The following GOLPH3L variants were observed in gnomAD, a reference collection of about 807,000 sequenced individuals.
GOLPH3L encodes golgi phosphoprotein 3 like, also known as Golgi phosphoprotein 3-like.
Under a neutral mutation model 30.3 loss-of-function variants are expected in GOLPH3L, and 22 were observed. That is an observed-to-expected ratio of 0.73 (90% CI 0.52 to 1.04). The LOEUF (loss-of-function observed/expected upper bound fraction) is 1.04. GOLPH3L is among the 50% of genes least tolerant of loss of function. The probability of loss-of-function intolerance (pLI) is 0.00; values close to 1 mark genes in which losing one functional copy is unlikely to be tolerated. For missense variants in GOLPH3L, 303 were observed against 345.8 expected (o/e 0.88, Z 0.98); for synonymous variants, 120 against 128.2 (o/e 0.94, Z 0.43).
chr1:150,670,081 T>G (rs1650606612), intron 2 of GOLPH3L, among the ~76,000 whole-genome samples: 1 of 151,614 alleles, frequency 6.6e-6, no homozygotes, highest in African/African-American at 2.4e-5. Flanking sequence ...GCCAACATGG[T>G]GAAACCCCGT....
chr1:150,649,925 T>C (rs1650067860), intron 4 of GOLPH3L, among the ~76,000 whole-genome samples: 1 of 151,930 alleles, frequency 6.6e-6, no homozygotes, highest in Non-Finnish European at 1.5e-5. Context: ...AGGCGGAGGT[T>C]TCAGTCAGCT....
intron 2 of GOLPH3L, among the ~76,000 whole-genome samples, chr1:150,664,741 C>T (rs1208429929): frequency 6.6e-6 from 1 of 152,088 alleles, no homozygotes; most frequent in Non-Finnish European, 1.5e-5. Flanking sequence ...AGTGAGCCAC[C>T]GTGCCCAGCC....
At position 150,694,751 on chromosome 1, in the gene GOLPH3L, C is replaced by T. The variant is rs1283176353; in HGVS notation, c.88G>A (p.Glu30Lys). The change falls in exon 2 of 5, where the codon GAG becomes AAG. Residue 30 changes from glutamate to lysine, a missense_variant. Coordinates refer to ENST00000271732, the MANE Select transcript of GOLPH3L (RefSeq NM_018178.6). ...KMESEEDSNWEKSPDNEDSGD... is the reference protein window; with the variant it reads ...KMESEEDSNWKKSPDNEDSGD... ...GAATCTTCATTGTCTGGACTTTTCT[C>T]CCAATTACTGTCTTCCTCACTTTCC... The T allele has an allele frequency of 6.2e-7, 1 of 1,610,700 alleles. No individual in the cohort carries two copies. The highest frequency in any genetic ancestry group is 1.3e-5 in the African/African-American group (1 of 74,812).
At chr1:150,694,589 G>A (rs1012825643) in intron 2 of GOLPH3L, 67 bp downstream of exon 2, 8 of 949,556 alleles carry the variant, frequency 8.4e-6, no homozygotes, top group African/African-American at 3.3e-5. Context: ...ATTCCATTAG[G>A]TTACTTCCTA....
chr1:150,692,566 A>C (rs897143360), intron 2 of GOLPH3L, among the ~76,000 whole-genome samples: 4 of 151,880 alleles, frequency 2.6e-5, no homozygotes, highest in African/African-American at 9.7e-5. Flanking sequence ...TTTTGTTTTA[A>C]ATTTTTTGTA....
intron 4 of GOLPH3L, among the ~76,000 whole-genome samples, chr1:150,654,412 A>T (rs1650194144): frequency 6.6e-6 from 1 of 151,480 alleles, no homozygotes; most frequent in African/African-American, 2.4e-5. Context: ...AGGCTGAGGC[A>T]GGGAGAAGTG....
chr1:150,672,143 T>G (rs1277925201), intron 2 of GOLPH3L, among the ~76,000 whole-genome samples: 1 of 152,168 alleles, frequency 6.6e-6, no homozygotes, highest in Non-Finnish European at 1.5e-5. Flanking sequence ...AGAAGAAATG[T>G]TATCATGTTG....
rs1337665566 is a variant in GOLPH3L, at chr1:150,648,653, C to T, written c.526G>A (p.Glu176Lys). The T allele has an allele frequency of 6.2e-7, 1 of 1,612,056 alleles. No individual in the cohort carries two copies. Among genetic ancestry groups the T allele is most frequent in the Admixed American group, 1.7e-5 (1 of 60,010 alleles). The part of the protein sequence containing the change: ...NLVEKGILTT[E>K]KQNFLLFDMT... ...TCAAATAGCAGGAAATTCTGCTTCT[C>T]AGTGGTTAGAATACCTTTCTCTACT... is the stretch of plus-strand genomic sequence containing the variant. Residue 176 changes from glutamate to lysine, a missense_variant, in exon 5 of 5, where the codon GAG becomes AAG. Transcript: ENST00000271732.
At chr1:150,685,816 T>C (rs944311309) in intron 2 of GOLPH3L, among the ~76,000 whole-genome samples, 7 of 151,980 alleles carry the variant, frequency 4.6e-5, no homozygotes, top group Non-Finnish European at 1.0e-4. Context: ...CCTGAACAAT[T>C]CTCTTTATTT....
At chr1:150,654,766 G>A (rs913693923) in intron 4 of GOLPH3L, among the ~76,000 whole-genome samples, 4 of 152,172 alleles carry the variant, frequency 2.6e-5, no homozygotes, top group African/African-American at 4.8e-5. Flanking sequence ...AGGTAGTGCC[G>A]CAGTAGATTT....
At chr1:150,653,461 T>G (rs1419461096) in intron 4 of GOLPH3L, among the ~76,000 whole-genome samples, 1 of 145,774 alleles carries the variant, frequency 6.9e-6, no homozygotes, top group African/African-American at 2.5e-5. Context: ...GCAACTTTTT[T>G]TTTTTTTTTT....
intron 2 of GOLPH3L, among the ~76,000 whole-genome samples, chr1:150,680,915 G>A (rs11204694): frequency 0.36 from 55,078 of 152,032 alleles, 10,428 homozygotes; most frequent in South Asian, 0.54. Context: ...TTGGGAAGCC[G>A]AGGCACCTGA....
chr1:150,696,049 A>T (rs966975686), intron 1 of GOLPH3L, among the ~76,000 whole-genome samples: 1 of 152,210 alleles, frequency 6.6e-6, no homozygotes, highest in African/African-American at 2.4e-5. Context: ...TATATAACAA[A>T]TATTTTAAAT....
chr1:150,696,419 C>A (rs1651356010), intron 1 of GOLPH3L, among the ~76,000 whole-genome samples: 1 of 152,078 alleles, frequency 6.6e-6, no homozygotes, highest in African/African-American at 2.4e-5. Flanking sequence ...TATAGTCTTT[C>A]TCTTGGTATA....
Position 150,647,570 on chromosome 1 carries a change from C to G in GOLPH3L, c.*751G>C, listed in dbSNP as rs1019273564. ...AAGAATGGAAATTTTCATGCCACCC[C>G]CCTTCCTTCCTTACAAATTCTAATG... On this transcript the variant is annotated 3_prime_UTR_variant, in exon 5 of 5. Coordinates refer to ENST00000271732, the MANE Select transcript of GOLPH3L (RefSeq NM_018178.6). 6.6e-6 allele frequency: 1 copy of G among 152,478 alleles called. No individual in the cohort carries two copies. The highest frequency in any genetic ancestry group is 2.4e-5 in the African/African-American group (1 of 41,354). 9.4% of individuals were successfully genotyped at this position (152,478 alleles called of 1,614,324 possible). A position where few individuals can be genotyped will look rare whatever the true frequency, so the allele number is the denominator to read the frequency against.
rs1461362666 is a variant in GOLPH3L, at chr1:150,694,706, G to A, written c.133C>T (p.Arg45Cys). 8.1e-6 allele frequency: 13 copies of A among 1,610,940 alleles called. No homozygotes were observed. Among genetic ancestry groups the A allele is most frequent in the Admixed American group, 3.3e-5 (2 of 59,738 alleles). ...AATACTTCTTCCATAAGAGTAAGGCGGATATCCTTAGAGTCTCCAGAATCT... is the reference window on the plus strand; with the variant it reads ...AATACTTCTTCCATAAGAGTAAGGCAGATATCCTTAGAGTCTCCAGAATCT... ...NEDSGDSKDI[R>C]LTLMEEVLLL... Residue 45 changes from arginine (R) to cysteine (C), a missense_variant, in exon 2 of 5, where the codon CGC becomes TGC. By Grantham distance (180) the Arg-to-Cys change is radical. Transcript: ENST00000271732.
intron 4 of GOLPH3L, among the ~76,000 whole-genome samples, chr1:150,659,102 T>C (rs115439776): frequency 1.6e-4 from 24 of 152,322 alleles, no homozygotes; most frequent in African/African-American, 5.5e-4. Context: ...GATAATTGTG[T>C]TATTAATCTG....
At chr1:150,658,346 T>C (rs879378707) in intron 4 of GOLPH3L, among the ~76,000 whole-genome samples, 12 of 152,260 alleles carry the variant, frequency 7.9e-5, no homozygotes, top group Non-Finnish European at 1.0e-4. Flanking sequence ...GCTGTGCGTA[T>C]TCCTTCAACA....
At chr1:150,663,939 TTC>T (rs994286820) in intron 2 of GOLPH3L, among the ~76,000 whole-genome samples, 176 bp from the exon 3 acceptor site, 1 of 152,154 alleles carries the variant, frequency 6.6e-6, no homozygotes, top group Non-Finnish European at 1.5e-5. Flanking sequence ...AAATATGATT[TTC>T]TGTCTGACTT....
Sources: gnomAD v4.1 joint callset for allele counts (sites outside exome capture counted in the v4.1 genomes callset) on GRCh38, gnomAD v4.1.1 for gene constraint, MANE v1.5 for transcripts, NCBI Gene and HGNC (gene_info 2026-07-23, HGNC 2026-07-21) for gene names.